The following GDAP1 variants were observed in gnomAD, a reference collection of about 807,000 sequenced individuals.
GDAP1 encodes ganglioside induced differentiation associated protein 1, also known as ganglioside-induced differentiation-associated protein 1.
In GDAP1, 34 loss-of-function variants were observed where a neutral mutation model predicts 40.1. The observed-to-expected ratio is 0.85, with a 90% CI of 0.64 to 1.13. The LOEUF (loss-of-function observed/expected upper bound fraction) is 1.13, where lower values mean the gene tolerates loss of function less well. Among genes scored for constraint, GDAP1 ranks in the 50% most tolerant of loss-of-function variants. The pLI is 0.00. For missense variants in GDAP1, 374 were observed against 433.7 expected (o/e 0.86, Z 1.22); for synonymous variants, 170 against 157.4 (o/e 1.08, Z -0.60).
chr8:74,360,753 A>G (rs548271678), intron 3 of GDAP1, among the ~76,000 whole-genome samples: 1 of 152,308 alleles, frequency 6.6e-6, no homozygotes, highest in South Asian at 2.1e-4. Flanking sequence ...CTCTGTCTCT[A>G]TGTTCAGTGA....
At chr8:74,428,253 A>G (rs560465207) in intron 2 of GDAP1, among the ~76,000 whole-genome samples, 157 of 149,120 alleles carry the variant, frequency 1.1e-3, no homozygotes, top group African/African-American at 3.7e-3. Flanking sequence ...AACAACAACA[A>G]TAACAACAAC....
At chr8:74,412,862 T>C (rs917185174) in intron 2 of GDAP1, among the ~76,000 whole-genome samples, 15 of 146,380 alleles carry the variant, frequency 1.0e-4, no homozygotes, top group Non-Finnish European at 2.1e-4. Context: ...ATTGAGACCA[T>C]ACTGGCTAAC....
At chr8:74,480,645 A>G (rs185872142) in intron 2 of GDAP1, among the ~76,000 whole-genome samples, 8 of 152,346 alleles carry the variant, frequency 5.3e-5, no homozygotes, top group African/African-American at 1.9e-4. Flanking sequence ...GTCTTCCTCT[A>G]TCTATGTGTT....
At chr8:74,404,305 CAATT>C (rs1474201795) in intron 2 of GDAP1, among the ~76,000 whole-genome samples, 1 of 149,172 alleles carries the variant, frequency 6.7e-6, no homozygotes, top group Non-Finnish European at 1.5e-5. Context: ...GGCAAAACCA[CAATT>C]ACTTTTTCAC....
chr8:74,463,958 C>T (rs6999989), intron 2 of GDAP1, among the ~76,000 whole-genome samples: 152,179 of 152,264 alleles, frequency 1, 76,047 homozygotes, highest in Non-Finnish European at 1. Flanking sequence ...TCCATAAATA[C>T]GTATGTACCT....
chr8:74,372,727 T>C (rs1225942437), intron 2 of GDAP1, among the ~76,000 whole-genome samples: 1 of 152,218 alleles, frequency 6.6e-6, no homozygotes, highest in Admixed American at 6.5e-5. Flanking sequence ...GCCTGTTCAC[T>C]CTGATGGTAG....
Position 74,366,832 on chromosome 8 carries a change from G to T in GDAP1, c.*2465G>T. The T allele has an allele frequency of 2.2e-6, 1 of 446,994 alleles. No homozygotes were observed. Among genetic ancestry groups the T allele is most frequent in the Non-Finnish European group, 4.5e-6 (1 of 224,382 alleles). The allele number at this position is 446,994 out of a possible 1,614,324, so 27.7% of individuals were successfully genotyped here. A position where few individuals can be genotyped will look rare whatever the true frequency, so the allele number is the denominator to read the frequency against. On this transcript the variant is annotated 3_prime_UTR_variant, in exon 6 of 6. Coordinates refer to ENST00000220822, the MANE Select transcript of GDAP1 (RefSeq NM_018972.4). Reference sequence around the variant, plus strand: ...GAGAGACCAAGACACTATTCTGTAAGATCAATAAAAGTAATTGGAAAATAA... The same window carrying T: ...GAGAGACCAAGACACTATTCTGTAATATCAATAAAAGTAATTGGAAAATAA...
At chr8:74,383,058 A>G (rs982051435) in intron 2 of GDAP1, among the ~76,000 whole-genome samples, 3 of 152,234 alleles carry the variant, frequency 2.0e-5, no homozygotes, top group South Asian at 2.1e-4. Flanking sequence ...AACACATTTT[A>G]TAGACCTGGA....
intron 2 of GDAP1, among the ~76,000 whole-genome samples, chr8:74,385,324 C>T (rs1338860079): frequency 6.6e-6 from 1 of 152,108 alleles, no homozygotes. Context: ...CTATCCGTCC[C>T]CTAACCGCCC....
At chr8:74,471,818 A>G (rs1213017405) in intron 2 of GDAP1, among the ~76,000 whole-genome samples, 1 of 152,138 alleles carries the variant, frequency 6.6e-6, no homozygotes, top group Non-Finnish European at 1.5e-5. Context: ...ATTGATTTTG[A>G]GATACATTAT....
rs373622064 is a variant in GDAP1 at position 74,360,122 on chromosome 8, G to A, written c.311-15G>A. 9.4e-6 allele frequency: 15 copies of A among 1,595,476 alleles called. No individual in the cohort carries two copies. Among genetic ancestry groups the A allele is most frequent in the Non-Finnish European group, 1.1e-5 (13 of 1,163,212 alleles). Reference sequence around the variant, plus strand: ...GTGTAACTTTTTCTTCAATATTTGTGTGTGTGTATTTTAGAAAGAACACCC... The same window carrying A: ...GTGTAACTTTTTCTTCAATATTTGTATGTGTGTATTTTAGAAAGAACACCC... On this transcript the variant is annotated splice_polypyrimidine_tract_variant and intron_variant, in intron 2 of 5. Transcript: ENST00000220822.
chr8:74,350,543 C>A lies in GDAP1; in HGVS notation c.82C>A (p.Leu28Met). 6.2e-7 allele frequency: 1 copy of A among 1,611,764 alleles called. No homozygotes were observed. Among genetic ancestry groups the A allele is most frequent in the Non-Finnish European group, 8.5e-7 (1 of 1,177,818 alleles). ...GGCCGACGCGGAGGTTAAGCTCATT[C>A]TGTACCATTGGACGCATTCCTTCAG... Reference protein sequence around the residue: ...GKADAEVKLILYHWTHSFSSQ... With the variant: ...GKADAEVKLIMYHWTHSFSSQ... Residue 28 changes from leucine to methionine, a missense_variant, in exon 1 of 6, where the codon CTG (leucine) becomes ATG (methionine). Transcript: ENST00000220822.
intron 2 of GDAP1, among the ~76,000 whole-genome samples, chr8:74,457,202 CTAAG>C (rs1468391618): frequency 6.6e-6 from 1 of 152,058 alleles, no homozygotes; most frequent in African/African-American, 2.4e-5. Context: ...GGAATAATTT[CTAAG>C]TGAGTGACAG....
At chr8:74,446,884 A>G (rs977310637) in intron 2 of GDAP1, among the ~76,000 whole-genome samples, 1 of 152,090 alleles carries the variant, frequency 6.6e-6, no homozygotes, top group African/African-American at 2.4e-5. Flanking sequence ...AAAGTAGATT[A>G]TTGATTGCAA....
chr8:74,376,388 G>T (rs1368069953), intron 2 of GDAP1, among the ~76,000 whole-genome samples: 1 of 128,392 alleles, frequency 7.8e-6, no homozygotes, highest in East Asian at 2.4e-4. Context: ...TCACTCTGTT[G>T]CCCAGGCTGG....
intron 2 of GDAP1, among the ~76,000 whole-genome samples, chr8:74,448,508 A>G (rs1191326886): frequency 6.6e-6 from 1 of 152,096 alleles, no homozygotes; most frequent in Non-Finnish European, 1.5e-5. Context: ...AACTAACAAT[A>G]ATTTTGTAAA....
Position 74,362,398 on chromosome 8 carries a change from A to G in GDAP1, c.579+420A>G, listed in dbSNP as rs1303363240. Reference sequence around the variant, plus strand: ...GATTCCTTCCCCGGGCCCAGCAACTATTGCAAGCTTCTCTCATATTAAAAG... The same window carrying G: ...GATTCCTTCCCCGGGCCCAGCAACTGTTGCAAGCTTCTCTCATATTAAAAG... On this transcript the variant is annotated intron_variant, in intron 4 of 5. Transcript: ENST00000220822. Among the ~76,000 whole-genome samples, 6 of 151,966 alleles carry G rather than the reference A, an allele frequency of 3.9e-5. No individual in the cohort carries two copies. The East Asian group carries it at 5.8e-4, about 15-fold the overall frequency.
rs1196954617 is a variant in GDAP1, at chr8:74,416,910, T to A, written c.165+65589T>A. ...CTTTCCACTTATGAAAAGTTTTTTT[T>A]TTTGTTTTTTTGTTTTTTGTTTTTT... On this transcript the variant is annotated intron_variant, in intron 2 of 2. Transcript: ENST00000523640. Among the ~76,000 whole-genome samples, 6 of 133,348 alleles carry A rather than the reference T, an allele frequency of 4.5e-5. 1 individual carries two copies. Among genetic ancestry groups the A allele is most frequent in the African/African-American group, 2.0e-4 (6 of 30,614 alleles). 87.5% of individuals were successfully genotyped at this position (133,348 alleles called of 152,430 possible).
At position 74,365,271 on chromosome 8, in the gene GDAP1, T is replaced by C; in HGVS notation, c.*904T>C. On this transcript the variant is annotated 3_prime_UTR_variant, in exon 6 of 6. Transcript: ENST00000220822. ...AACACAAAAATTGTTGTCCAGATCTTTCATCTGTTTATGATCATCAACAAA... is the reference window on the plus strand; with the variant it reads ...AACACAAAAATTGTTGTCCAGATCTCTCATCTGTTTATGATCATCAACAAA... The C allele has an allele frequency of 2.2e-6, 1 of 454,152 alleles. No homozygotes were observed. The highest frequency in any genetic ancestry group is 4.4e-6 in the Non-Finnish European group (1 of 226,796). The allele number at this position is 454,152 out of a possible 1,614,324, so 28.1% of individuals were successfully genotyped here.
Sources: allele counts gnomAD v4.1 joint callset (sites outside exome capture counted in the v4.1 genomes callset), GRCh38; gene constraint gnomAD v4.1.1; transcripts MANE v1.5; gene names NCBI Gene and HGNC (gene_info 2026-07-23, HGNC 2026-07-21).